Variants in WWOX observed in about 807,000 individuals in gnomAD.
WWOX encodes WW domain-containing oxidoreductase.
WWOX carries 69 observed loss-of-function variants against 46.2 expected under a neutral mutation model. That is an observed-to-expected ratio of 1.49 (90% CI 1.23 to 1.82). WWOX has a LOEUF of 1.82. Among genes scored for constraint, WWOX ranks in the 40% most tolerant of loss-of-function variants. The pLI, the probability that WWOX is intolerant of heterozygous loss-of-function variation, is 0.00. For synonymous variants in WWOX, 359 were observed against 202.6 expected, an observed-to-expected ratio of 1.77 and a Z score of -6.56; for missense variants, 919 against 542.6, an observed-to-expected ratio of 1.69 and a Z score of -6.89.
rs771679853 is a variant in WWOX at position 78,903,734 on chromosome 16, A to G, written c.1057-307874A>G. Among the ~76,000 whole-genome samples the G allele has an allele frequency of 2.6e-5, 4 of 152,312 alleles. No individual in the cohort carries two copies. The South Asian group carries it at 6.2e-4, about 24-fold the overall frequency. The stretch of plus-strand genomic sequence containing the variant: ...AGGCACGTGTCTTCTTCAAGCTGCC[A>G]TCCATTATGCATAGTACAGGAGCTC... On this transcript the variant is annotated intron_variant, in intron 8 of 8. Transcript: ENST00000566780.
chr16:78,467,102 C>G (rs575137173), intron 8 of WWOX, among the ~76,000 whole-genome samples: 4 of 152,270 alleles, frequency 2.6e-5, no homozygotes, highest in East Asian at 1.9e-4. Flanking sequence ...ATTGAAAAAT[C>G]TATGTGCATT....
intron 8 of WWOX, among the ~76,000 whole-genome samples, chr16:79,126,697 G>A (rs1172380678): frequency 6.6e-6 from 1 of 152,130 alleles, no homozygotes; most frequent in Non-Finnish European, 1.5e-5. Flanking sequence ...GAGCAGTGAT[G>A]GAGCACAGGC....
chr16:79,118,519 T>C (rs532591392), intron 8 of WWOX, among the ~76,000 whole-genome samples: 1 of 152,316 alleles, frequency 6.6e-6, no homozygotes, highest in South Asian at 2.1e-4. Context: ...TAGTCTTCCT[T>C]AATGCAAAGT....
intron 8 of WWOX, among the ~76,000 whole-genome samples, chr16:79,140,158 A>G (rs900186025): frequency 6.6e-6 from 1 of 152,122 alleles, no homozygotes; most frequent in Admixed American, 6.6e-5. Flanking sequence ...CTTTCTGGTA[A>G]AGGACTTTAT....
At chr16:78,600,491 C>T (rs570134511) in intron 8 of WWOX, among the ~76,000 whole-genome samples, 14 of 152,216 alleles carry the variant, frequency 9.2e-5, no homozygotes, top group East Asian at 5.8e-4. Flanking sequence ...CCCAACCCTC[C>T]GTGGGTTAAA....
rs182486498 is a variant in WWOX, at chr16:78,795,035, C to T, written c.1056+362283C>T. Among the ~76,000 whole-genome samples the T allele has an allele frequency of 4.2e-3, 634 of 152,226 alleles. 5 individuals are homozygous for T. The highest frequency in any genetic ancestry group is 0.014 in the African/African-American group (589 of 41,534). On this transcript the variant is annotated intron_variant, in intron 8 of 8. Transcript: ENST00000566780. ...GGCTTAACACTGATCTTTGAGCTGGCGATTTTTCCAGCCAACTCATTTTGG... is the reference window on the plus strand; with the variant it reads ...GGCTTAACACTGATCTTTGAGCTGGTGATTTTTCCAGCCAACTCATTTTGG...
rs2032768943 is a variant in WWOX, at chr16:78,116,059, A to G, written c.409+905A>G. On this transcript the variant is annotated intron_variant, in intron 4 of 8. Transcript: ENST00000566780. ...TGTCTATATTTATGGGGTTCATGAG[A>G]TGTTTTGATACAGGGATGCAATGTG... Among the ~76,000 whole-genome samples, 5 of 152,006 alleles carry G rather than the reference A, an allele frequency of 3.3e-5. No individual in the cohort carries two copies. In the South Asian group the frequency reaches 1.0e-3, roughly 32 times the overall value.
chr16:78,235,246 T>C (rs1303777535), intron 5 of WWOX, among the ~76,000 whole-genome samples: 1 of 152,246 alleles, frequency 6.6e-6, no homozygotes, highest in Non-Finnish European at 1.5e-5. Flanking sequence ...AGTGTGGCTG[T>C]GTTTGTCAGT....
chr16:78,409,688 G>A (rs2082630873), intron 6 of WWOX, among the ~76,000 whole-genome samples: 2 of 152,284 alleles, frequency 1.3e-5, no homozygotes, highest in East Asian at 1.9e-4. Flanking sequence ...ATTTGTCATG[G>A]TTCTCATTGG....
At chr16:78,432,897 C>A in intron 8 of WWOX, 145 bp downstream of exon 8, 1 of 1,286,328 alleles carries the variant, frequency 7.8e-7, no homozygotes, top group Non-Finnish European at 1.1e-6. Context: ...CTCTTGAACA[C>A]ATTTTCATCA....
chr16:79,051,677 G>T (rs2048170147), intron 8 of WWOX, among the ~76,000 whole-genome samples: 1 of 152,178 alleles, frequency 6.6e-6, no homozygotes, highest in African/African-American at 2.4e-5. Flanking sequence ...GATTTGCACT[G>T]TTTCACTTCT....
At chr16:78,504,388 G>C (rs1054741715) in intron 8 of WWOX, among the ~76,000 whole-genome samples, 1 of 152,200 alleles carries the variant, frequency 6.6e-6, no homozygotes, top group Non-Finnish European at 1.5e-5. Context: ...ACATTGTTAT[G>C]AACCAACATT....
intron 8 of WWOX, among the ~76,000 whole-genome samples, chr16:79,010,089 C>T (rs1597271439): frequency 6.6e-6 from 1 of 152,212 alleles, no homozygotes; most frequent in Non-Finnish European, 1.5e-5. Context: ...TGCTCACCCA[C>T]CATGTCCCTC....
chr16:78,300,830 T>A (rs148865308), intron 5 of WWOX, among the ~76,000 whole-genome samples: 1 of 152,182 alleles, frequency 6.6e-6, no homozygotes, highest in Non-Finnish European at 1.5e-5. Flanking sequence ...GCATATAACT[T>A]GTAGGTTGTC....
At chr16:78,737,234 G>C (rs2049112755) in intron 8 of WWOX, among the ~76,000 whole-genome samples, 1 of 151,730 alleles carries the variant, frequency 6.6e-6, no homozygotes. Flanking sequence ...TGAGTAGCTG[G>C]AATTACAAGC....
intron 5 of WWOX, among the ~76,000 whole-genome samples, chr16:78,377,483 G>A (rs2081857501): frequency 6.6e-6 from 1 of 152,012 alleles, no homozygotes; most frequent in Admixed American, 6.5e-5. Context: ...ATGTAACCAC[G>A]CTTTACCTAT....
At chr16:78,773,444 C>T (rs1041733308) in intron 8 of WWOX, among the ~76,000 whole-genome samples, 4 of 152,194 alleles carry the variant, frequency 2.6e-5, no homozygotes, top group African/African-American at 9.7e-5. Context: ...CCCCTCGGGA[C>T]ATTCCTCCCT....
intron 5 of WWOX, among the ~76,000 whole-genome samples, chr16:78,201,086 C>G (rs2036215448): frequency 6.6e-6 from 1 of 152,148 alleles, no homozygotes; most frequent in South Asian, 2.1e-4. Context: ...TTAATCCACC[C>G]TGGATAGAAG....
chr16:78,472,431 T>C (rs1387948944), intron 8 of WWOX, among the ~76,000 whole-genome samples: 1 of 152,190 alleles, frequency 6.6e-6, no homozygotes. Context: ...GAATATAAAT[T>C]TCTGTTAGTA....
Sources: allele counts gnomAD v4.1 joint callset (sites outside exome capture counted in the v4.1 genomes callset), GRCh38; gene constraint gnomAD v4.1.1; transcripts MANE v1.5; gene names NCBI Gene and HGNC (gene_info 2026-07-23, HGNC 2026-07-21).